The following NEK11 variants were observed in gnomAD, a reference collection of about 807,000 sequenced individuals.
NEK11 encodes the protein serine/threonine-protein kinase Nek11.
In NEK11, 72 loss-of-function variants were observed where a neutral mutation model predicts 80.7. The ratio of observed to expected loss-of-function variants is 0.89; its 90% CI spans 0.74 to 1.08. NEK11 has a LOEUF of 1.08. Among genes scored for constraint, NEK11 ranks in the 50% least tolerant of loss-of-function variants. NEK11 has a pLI of 0.00. For synonymous variants in NEK11, 251 were observed against 260.7 expected (o/e 0.96, Z 0.36); for missense variants, 764 against 763.6 (o/e 1.00, Z -0.01).
At chr3:131,118,334 G>A (rs953916510) in intron 5 of NEK11, among the ~76,000 whole-genome samples, 7 of 152,140 alleles carry the variant, frequency 4.6e-5, no homozygotes, top group African/African-American at 4.8e-5. Context: ...CAACTTGATC[G>A]TGGTGGATAA....
intron 3 of NEK11, among the ~76,000 whole-genome samples, chr3:131,061,007 C>T (rs1489726011): frequency 2.0e-5 from 3 of 152,246 alleles, no homozygotes; most frequent in Non-Finnish European, 4.4e-5. Flanking sequence ...CAGAACTGGG[C>T]ATACTGTAGG....
At chr3:131,241,012 T>C (rs1165097888) in intron 15 of NEK11, among the ~76,000 whole-genome samples, 1 of 152,172 alleles carries the variant, frequency 6.6e-6, no homozygotes, top group Non-Finnish European at 1.5e-5. Flanking sequence ...ACAAATATCC[T>C]GAGAGAGATA....
intron 1 of NEK11, chr3:131,027,226 A>C (rs918492570): frequency 3.3e-5 from 5 of 152,210 alleles, no homozygotes; most frequent in African/African-American, 1.2e-4. Flanking sequence ...AAGGTGAAGA[A>C]GCAAGGAATT....
At chr3:131,038,184 G>A (rs1194626865) in intron 3 of NEK11, among the ~76,000 whole-genome samples, 1 of 152,052 alleles carries the variant, frequency 6.6e-6, no homozygotes, top group Non-Finnish European at 1.5e-5. Flanking sequence ...CAGATTCTCG[G>A]AATCTTGTGC....
At chr3:131,233,813 C>T (rs183445477) in intron 15 of NEK11, among the ~76,000 whole-genome samples, 1 of 152,288 alleles carries the variant, frequency 6.6e-6, no homozygotes, top group African/African-American at 2.4e-5. Context: ...AAAAAAGAAA[C>T]AGCAGTGGAG....
At chr3:131,298,800 A>G (rs2096629440) in intron 17 of NEK11, among the ~76,000 whole-genome samples, 2 of 151,950 alleles carry the variant, frequency 1.3e-5, no homozygotes, top group African/African-American at 4.8e-5. Flanking sequence ...TCTGACATCA[A>G]TTTGAGGAAA....
chr3:131,195,025 C>T (rs538639367), intron 14 of NEK11, among the ~76,000 whole-genome samples: 2 of 152,170 alleles, frequency 1.3e-5, no homozygotes, highest in Non-Finnish European at 2.9e-5. Context: ...AGTTGCCCAA[C>T]GCTGAGGAGC....
At chr3:131,208,922 T>C (rs2094525507) in intron 14 of NEK11, among the ~76,000 whole-genome samples, 1 of 152,232 alleles carries the variant, frequency 6.6e-6, no homozygotes, top group Non-Finnish European at 1.5e-5. Context: ...AGGGACAATT[T>C]GACTTCCTCT....
intron 14 of NEK11, among the ~76,000 whole-genome samples, chr3:131,201,662 T>C (rs1323265432): frequency 1.3e-5 from 2 of 152,112 alleles, no homozygotes; most frequent in East Asian, 3.9e-4. Context: ...GAGTTTATCA[T>C]GAGTGGAGAT....
chr3:131,232,778 TG>T (rs911741785), intron 15 of NEK11, among the ~76,000 whole-genome samples: 1 of 152,166 alleles, frequency 6.6e-6, no homozygotes, highest in Non-Finnish European at 1.5e-5. Flanking sequence ...TGCTGTTAGT[TG>T]AGTCATTAGT....
At chr3:131,092,432 A>G (rs989614123) in intron 4 of NEK11, among the ~76,000 whole-genome samples, 2 of 152,198 alleles carry the variant, frequency 1.3e-5, no homozygotes, top group Non-Finnish European at 2.9e-5. Flanking sequence ...AAACAATTAT[A>G]ATAAAATGAA....
At chr3:131,171,216 G>A (rs2092672808) in intron 14 of NEK11, among the ~76,000 whole-genome samples, 3 of 152,216 alleles carry the variant, frequency 2.0e-5, no homozygotes. Context: ...TGTCTTCCCT[G>A]TTCTGTAAAT....
intron 14 of NEK11, among the ~76,000 whole-genome samples, chr3:131,196,498 C>T (rs1462565401): frequency 6.6e-6 from 1 of 151,500 alleles, no homozygotes; most frequent in Non-Finnish European, 1.5e-5. Flanking sequence ...AAAAGACTTA[C>T]AGAATTGCCT....
At chr3:131,097,100 T>C (rs577484772) in intron 4 of NEK11, among the ~76,000 whole-genome samples, 61 of 151,910 alleles carry the variant, frequency 4.0e-4, no homozygotes, top group African/African-American at 1.3e-3. Flanking sequence ...TTCCATGGTG[T>C]ATATGTGCCA....
At chr3:131,302,650 T>A (rs572185658) in intron 17 of NEK11, among the ~76,000 whole-genome samples, 4 of 152,230 alleles carry the variant, frequency 2.6e-5, no homozygotes, top group Non-Finnish European at 5.9e-5. Flanking sequence ...TTTCATGCAC[T>A]TATATGGTTT....
intron 2 of NEK11, among the ~76,000 whole-genome samples, chr3:131,028,355 G>A (rs1042802232): frequency 1.3e-5 from 2 of 152,166 alleles, no homozygotes; most frequent in Non-Finnish European, 2.9e-5. Context: ...CTAGGTTTTT[G>A]TCTCATAGCT....
At chr3:131,117,565 C>G (rs1048358779) in intron 5 of NEK11, among the ~76,000 whole-genome samples, 1 of 152,106 alleles carries the variant, frequency 6.6e-6, no homozygotes, top group Non-Finnish European at 1.5e-5. Context: ...TTACCTTGGG[C>G]AGTATGGCCA....
chr3:131,243,167 T>C lies in NEK11; in HGVS notation c.1561-269T>C, dbSNP rs140319993. On this transcript the variant is annotated intron_variant, in intron 15 of 17. Transcript: ENST00000383366. ...ACACGAAGGAGACAATAAAGATCAC[T>C]CATAATTTAATCTTTTAGTCAAAAC... Among the ~76,000 whole-genome samples, 357 of 152,246 alleles carry C rather than the reference T, an allele frequency of 2.3e-3. 1 individual carries two copies. Among genetic ancestry groups the C allele is most frequent in the African/African-American group, 6.1e-3 (254 of 41,544 alleles).
chr3:131,057,002 G>A (rs2069648746), intron 3 of NEK11, among the ~76,000 whole-genome samples: 1 of 149,128 alleles, frequency 6.7e-6, no homozygotes, highest in South Asian at 2.2e-4. Context: ...TCGTCATTTA[G>A]CATTAGGTAT....
Sources: allele counts gnomAD v4.1 joint callset (sites outside exome capture counted in the v4.1 genomes callset), GRCh38; gene constraint gnomAD v4.1.1; transcripts MANE v1.5; gene names NCBI Gene and HGNC (gene_info 2026-07-23, HGNC 2026-07-21).